Variants in RARB observed in about 807,000 individuals in gnomAD.
The protein encoded by RARB is HBV-activated protein.
In RARB, 17 loss-of-function variants were observed where a neutral mutation model predicts 51.9. The observed-to-expected ratio is 0.33, with a 90% CI of 0.22 to 0.49. The LOEUF is 0.49. RARB is among the 20% of genes least tolerant of loss of function. The pLI, the probability that RARB is intolerant of heterozygous loss-of-function variation, is 0.99. For missense variants in RARB, 369 were observed against 550.8 expected, an observed-to-expected ratio of 0.67 and a Z score of 3.30; for synonymous variants, 215 against 195.4, an observed-to-expected ratio of 1.10 and a Z score of -0.84.
chr3:25,304,451 T>G (rs1704111588), intron 5 of RARB, among the ~76,000 whole-genome samples: 1 of 152,216 alleles, frequency 6.6e-6, no homozygotes, highest in Non-Finnish European at 1.5e-5. Context: ...GATGGTCTGT[T>G]TCTTCACTAT....
chr3:25,078,127 T>C (rs1243967199), intron 3 of RARB, among the ~76,000 whole-genome samples: 1 of 152,176 alleles, frequency 6.6e-6, no homozygotes, highest in Non-Finnish European at 1.5e-5. Context: ...TTTTGAGAAA[T>C]AGAAGTTTTT....
At chr3:25,044,520 C>T (rs1698175771) in intron 2 of RARB, among the ~76,000 whole-genome samples, 1 of 152,114 alleles carries the variant, frequency 6.6e-6, no homozygotes, top group South Asian at 2.1e-4. Context: ...ACTTATCAGA[C>T]CTTGTCGTAG....
chr3:25,519,504 T>C (rs551633482), intron 3 of RARB, among the ~76,000 whole-genome samples: 1 of 152,324 alleles, frequency 6.6e-6, no homozygotes, highest in South Asian at 2.1e-4. Flanking sequence ...AATGTGCATT[T>C]TCCTGATGAC....
chr3:25,194,018 A>G (rs1701167464), intron 5 of RARB, among the ~76,000 whole-genome samples: 1 of 151,912 alleles, frequency 6.6e-6, no homozygotes, highest in Admixed American at 6.6e-5. Flanking sequence ...GGTGTCCATT[A>G]ACTGATGAAT....
At chr3:25,301,973 T>C (rs1230335697) in intron 5 of RARB, among the ~76,000 whole-genome samples, 2 of 152,274 alleles carry the variant, frequency 1.3e-5, no homozygotes, top group East Asian at 1.9e-4. Context: ...GTGAAATCAA[T>C]TGATACAGAT....
At chr3:25,318,462 A>AT (rs1359493250) in intron 5 of RARB, among the ~76,000 whole-genome samples, 1 of 152,186 alleles carries the variant, frequency 6.6e-6, no homozygotes, top group Non-Finnish European at 1.5e-5. Context: ...ACTAAAATGG[A>AT]TGGTGTATTG....
intron 5 of RARB, among the ~76,000 whole-genome samples, chr3:25,238,899 A>G (rs1702365942): frequency 6.6e-6 from 1 of 152,142 alleles, no homozygotes; most frequent in African/African-American, 2.4e-5. Context: ...GAATCTCTTG[A>G]ACCCAGGAGG....
chr3:25,530,943 T>C (rs1698874486), intron 3 of RARB, among the ~76,000 whole-genome samples: 1 of 152,202 alleles, frequency 6.6e-6, no homozygotes, highest in South Asian at 2.1e-4. Flanking sequence ...CGTTTTAACT[T>C]TTATACCCTA....
At chr3:24,864,089 C>T (rs1386391607) in intron 2 of RARB, among the ~76,000 whole-genome samples, 1 of 152,210 alleles carries the variant, frequency 6.6e-6, no homozygotes, top group Non-Finnish European at 1.5e-5. Context: ...ACTTTTGCTC[C>T]TCTATCCTTC....
intron 2 of RARB, among the ~76,000 whole-genome samples, chr3:25,484,620 A>G (rs977265461): frequency 1.3e-5 from 2 of 152,052 alleles, no homozygotes; most frequent in African/African-American, 4.8e-5. Flanking sequence ...ATGAAATTCA[A>G]TTTCAGTGTT....
intron 5 of RARB, among the ~76,000 whole-genome samples, chr3:25,253,835 A>C (rs536026094): frequency 3.9e-5 from 6 of 152,104 alleles, no homozygotes; most frequent in Non-Finnish European, 8.8e-5. Context: ...TGGTCCCTCA[A>C]ATTGCTTGTA....
intron 1 of RARB, among the ~76,000 whole-genome samples, chr3:25,460,044 A>G (rs1374314028): frequency 6.6e-6 from 1 of 152,202 alleles, no homozygotes; most frequent in Non-Finnish European, 1.5e-5. Flanking sequence ...GTTAGATAAC[A>G]GGATGGAGGA....
chr3:24,883,042 C>T lies in RARB; in HGVS notation c.-380+24290C>T, dbSNP rs375668262. Among the ~76,000 whole-genome samples, 22 of 152,180 alleles carry T rather than the reference C, an allele frequency of 1.4e-4. No homozygotes were observed. In the East Asian group the frequency reaches 2.5e-3, roughly 17 times the overall value. ...GGGAGCTGAAGCTGAACATGTCAAA[C>T]GGAGAGTCAGTAAGAGCCTTTCTCC... On this transcript the variant is annotated intron_variant, in intron 2 of 11. Coordinates refer to the RARB transcript ENST00000383772.
rs1696746805 is a variant in RARB at position 24,984,563 on chromosome 3, G to C, written c.-379-75562G>C. 2.6e-5 allele frequency among the ~76,000 whole-genome samples: 4 copies of C among 152,278 alleles called. No individual in the cohort carries two copies. The South Asian group carries it at 6.2e-4, about 24-fold the overall frequency. On this transcript the variant is annotated intron_variant, in intron 2 of 11. Transcript: ENST00000383772. ...ATCTAAAAAACCGAATACACAGAGA[G>C]TAGAAGTTACCAGAGCCTAATAGTA...
chr3:25,264,171 C>G (rs947284759), intron 5 of RARB, among the ~76,000 whole-genome samples: 3 of 151,812 alleles, frequency 2.0e-5, no homozygotes, highest in African/African-American at 7.3e-5. Flanking sequence ...TTTAGAAAGC[C>G]AATGATATTT....
chr3:25,123,089 T>C (rs2125330014), intron 3 of RARB, among the ~76,000 whole-genome samples: 1 of 152,268 alleles, frequency 6.6e-6, no homozygotes, highest in Non-Finnish European at 1.5e-5. Flanking sequence ...ACACTTTGAC[T>C]TGGCACTTGG....
chr3:24,974,068 T>TGTG (rs1696457753), intron 2 of RARB, among the ~76,000 whole-genome samples: 1 of 152,092 alleles, frequency 6.6e-6, no homozygotes, highest in Non-Finnish European at 1.5e-5. Context: ...CCCTGTACAA[T>TGTG]ATGATGGTGG....
chr3:25,115,617 C>A (rs1559471811), intron 3 of RARB, among the ~76,000 whole-genome samples: 1 of 150,654 alleles, frequency 6.6e-6, no homozygotes. Flanking sequence ...TCTTTCTCTT[C>A]CTTTTTCTTT....
intron 5 of RARB, among the ~76,000 whole-genome samples, chr3:25,293,440 T>C (rs1029073539): frequency 6.6e-6 from 1 of 152,022 alleles, no homozygotes; most frequent in Non-Finnish European, 1.5e-5. Flanking sequence ...ATTAACATTT[T>C]TAATGCTTCT....
Sources: gnomAD v4.1 joint callset for allele counts (sites outside exome capture counted in the v4.1 genomes callset) on GRCh38, gnomAD v4.1.1 for gene constraint, MANE v1.5 for transcripts, NCBI Gene and HGNC (gene_info 2026-07-23, HGNC 2026-07-21) for gene names.